REEP3: variants seen among roughly 807,000 people sequenced by gnomAD.
The protein encoded by REEP3 is receptor expression-enhancing protein 3.
REEP3 carries 20 observed loss-of-function variants against 41.3 expected under a neutral mutation model. The observed-to-expected ratio is 0.48, with a 90% confidence interval of 0.34 to 0.70. REEP3 has a LOEUF of 0.70. Ranked by LOEUF, REEP3 falls within the 30% of genes least tolerant of loss-of-function variation. REEP3 has a pLI of 0.01. For missense variants in REEP3, 271 were observed against 308.8 expected, an observed-to-expected ratio of 0.88 and a Z score of 0.92; for synonymous variants, 104 against 101.8, an observed-to-expected ratio of 1.02 and a Z score of -0.13.
intron 6 of REEP3, among the ~76,000 whole-genome samples, chr10:63,613,944 T>A (rs1462757852): frequency 6.6e-6 from 1 of 152,210 alleles, no homozygotes; most frequent in East Asian, 1.9e-4. Flanking sequence ...CCAGAAAACA[T>A]AATGGAATAG....
chr10:63,612,808 G>C (rs1232331244), intron 6 of REEP3, among the ~76,000 whole-genome samples: 7 of 151,444 alleles, frequency 4.6e-5, no homozygotes, highest in Admixed American at 2.6e-4. Context: ...AAAAAAATTA[G>C]GTATATTGAT....
At chr10:63,569,167 T>G (rs944008997) in intron 2 of REEP3, among the ~76,000 whole-genome samples, 3 of 152,168 alleles carry the variant, frequency 2.0e-5, no homozygotes, top group Non-Finnish European at 4.4e-5. Context: ...AAATTAAGAG[T>G]TGGCCATCAT....
chr10:63,565,886 CTTT>C (rs372856366), intron 1 of REEP3, among the ~76,000 whole-genome samples: 7 of 137,012 alleles, frequency 5.1e-5, no homozygotes, highest in Non-Finnish European at 6.2e-5. Flanking sequence ...TTTAAATCAT[CTTT>C]TTTTTTTTTT....
intron 1 of REEP3, among the ~76,000 whole-genome samples, chr10:63,564,951 C>G (rs1790728450): frequency 6.6e-6 from 1 of 152,168 alleles, no homozygotes; most frequent in African/African-American, 2.4e-5. Flanking sequence ...ATGTGTGATG[C>G]AATGCAGACA....
rs757796164 is a variant in REEP3 at position 63,621,077 on chromosome 10, A to G, written c.*208A>G. ...TAAAGGCAGTTCTGCAAGATGTACT[A>G]AATATGTATATTAGAAATTATAGAA... On this transcript the variant is annotated 3_prime_UTR_variant, in exon 8 of 8. Coordinates refer to ENST00000373758, the MANE Select transcript of REEP3 (RefSeq NM_001001330.3). 17 of 417,696 alleles carry G rather than the reference A, an allele frequency of 4.1e-5. No individual in the cohort carries two copies. The highest frequency in any genetic ancestry group is 6.9e-5 in the Non-Finnish European group (16 of 233,358). 25.9% of individuals were successfully genotyped at this position (417,696 alleles called of 1,614,324 possible).
At chr10:63,613,357 C>G (rs1460619030) in intron 6 of REEP3, among the ~76,000 whole-genome samples, 2 of 152,034 alleles carry the variant, frequency 1.3e-5, no homozygotes, top group African/African-American at 4.8e-5. Context: ...AAATATTGAC[C>G]TGCTGTTTAG....
intron 2 of REEP3, among the ~76,000 whole-genome samples, chr10:63,571,739 A>G (rs560455067): frequency 1.2e-4 from 19 of 152,202 alleles, no homozygotes; most frequent in Non-Finnish European, 2.8e-4. Context: ...TGCCTACTCC[A>G]ATAATATCTC....
chr10:63,560,652 A>G (rs1414498655), intron 1 of REEP3, among the ~76,000 whole-genome samples: 1 of 152,206 alleles, frequency 6.6e-6, no homozygotes, highest in Non-Finnish European at 1.5e-5. Context: ...GGCAAAGAGG[A>G]AAGGTGTAAC....
At chr10:63,580,905 G>A (rs1375230308) in intron 2 of REEP3, among the ~76,000 whole-genome samples, 1 of 152,092 alleles carries the variant, frequency 6.6e-6, no homozygotes, top group Non-Finnish European at 1.5e-5. Flanking sequence ...CCAGCTGCTT[G>A]GGAGACTAAA....
At chr10:63,541,292 G>A (rs1955526231) in intron 1 of REEP3, among the ~76,000 whole-genome samples, 1 of 152,082 alleles carries the variant, frequency 6.6e-6, no homozygotes, top group Non-Finnish European at 1.5e-5. Context: ...TGAAATATTA[G>A]CATGTGTCTA....
At chr10:63,615,523 T>A (rs1416557516) in intron 6 of REEP3, among the ~76,000 whole-genome samples, 1 of 151,910 alleles carries the variant, frequency 6.6e-6, no homozygotes, top group Admixed American at 6.6e-5. Flanking sequence ...ATTCAAGGAT[T>A]GGTTTAATAA....
intron 6 of REEP3, among the ~76,000 whole-genome samples, chr10:63,612,068 C>G (rs1956281125): frequency 6.6e-6 from 1 of 151,948 alleles, no homozygotes; most frequent in Non-Finnish European, 1.5e-5. Context: ...GGTAGTGATG[C>G]CTTTGAGAGA....
chr10:63,618,085 C>T (rs1045944710), intron 6 of REEP3, among the ~76,000 whole-genome samples: 3 of 151,712 alleles, frequency 2.0e-5, no homozygotes, highest in Non-Finnish European at 4.4e-5. Flanking sequence ...CTTGGCCTCC[C>T]GAAGTGCTGG....
At chr10:63,530,624 T>C (rs1442307513) in intron 1 of REEP3, among the ~76,000 whole-genome samples, 1 of 152,220 alleles carries the variant, frequency 6.6e-6, no homozygotes, top group Non-Finnish European at 1.5e-5. Context: ...TTTATTAGCC[T>C]GCATTTCAAA....
Position 63,608,739 on chromosome 10 carries a change from G to T in REEP3, c.418-1448G>T, listed in dbSNP as rs374459010. 3.2e-4 allele frequency among the ~76,000 whole-genome samples: 48 copies of T among 152,060 alleles called. 1 individual carries two copies. The South Asian group carries it at 1.0e-2, about 32-fold the overall frequency. On this transcript the variant is annotated intron_variant, in intron 5 of 7. Coordinates refer to ENST00000373758, the MANE Select transcript of REEP3 (RefSeq NM_001001330.3). ...GCTTTTACAAAGCTTTATACTTTAG[G>T]AGGGGAAATGTAGTTATACATGAAC... is the stretch of plus-strand genomic sequence containing the variant.
chr10:63,590,397 TAA>T (rs1956049998), intron 2 of REEP3, among the ~76,000 whole-genome samples: 1 of 152,228 alleles, frequency 6.6e-6, no homozygotes. Context: ...AAGAATTGAC[TAA>T]ATTATGTTTT....
rs1412366888 is a variant in REEP3, at chr10:63,624,607, A to G, written c.*3738A>G. 1.3e-5 allele frequency: 2 copies of G among 152,104 alleles called. No homozygotes were observed. The highest frequency in any genetic ancestry group is 2.4e-5 in the African/African-American group (1 of 41,444). 9.4% of individuals were successfully genotyped at this position (152,104 alleles called of 1,614,324 possible). On this transcript the variant is annotated 3_prime_UTR_variant, in exon 8 of 8. Coordinates refer to ENST00000373758, the MANE Select transcript of REEP3 (RefSeq NM_001001330.3). The stretch of plus-strand genomic sequence containing the variant: ...CGTTTCTTTTTTTATGCCAGAGTAC[A>G]TATGTTGGATTCCATGAATTGGTAT...
Position 63,566,391 on chromosome 10 carries a change from C to CA in REEP3, c.92dup (p.Asn31LysfsTer22), listed in dbSNP as rs1955799556. 3 of 1,540,502 alleles carry CA rather than the reference C, an allele frequency of 1.9e-6. No individual in the cohort carries two copies. The highest frequency in any genetic ancestry group is 2.6e-6 in the Non-Finnish European group (3 of 1,135,522). On this transcript the variant is annotated frameshift_variant, in exon 2 of 8. Coordinates refer to ENST00000373758, the MANE Select transcript of REEP3 (RefSeq NM_001001330.3). LOFTEE classifies it high-confidence loss of function. Reference sequence around the variant, plus strand: ...TATTATTCATACAAAGCTGTGAAAACAAAAAACGTGAAGGAATATGTAAGT... The same window carrying CA: ...TATTATTCATACAAAGCTGTGAAAACAAAAAAACGTGAAGGAATATGTAAGT...
In REEP3 at chr10:63,557,115, T is replaced by C. The variant is rs540136816; in HGVS notation, c.33-9223T>C. ...CATGTAGGCAGTGGTGTGCCGGTAA[T>C]GCTTGACAACTGAGGGAAAGAGGAC... On this transcript the variant is annotated intron_variant, in intron 1 of 7. Transcript: ENST00000373758. Among the ~76,000 whole-genome samples, 6 of 152,314 alleles carry C rather than the reference T, an allele frequency of 3.9e-5. No individual in the cohort carries two copies. In the South Asian group the frequency reaches 1.2e-3, roughly 32 times the overall value.
Sources: allele counts gnomAD v4.1 joint callset (sites outside exome capture counted in the v4.1 genomes callset), GRCh38; gene constraint gnomAD v4.1.1; transcripts MANE v1.5; gene names NCBI Gene and HGNC (gene_info 2026-07-23, HGNC 2026-07-21).